Variants in COL5A2 observed in about 807,000 individuals in gnomAD.
COL5A2 encodes the protein collagen type V alpha 2 chain.
Under a neutral mutation model 208.2 loss-of-function variants are expected in COL5A2, and 23 were observed. The ratio of observed to expected loss-of-function variants is 0.11; its 90% confidence interval spans 0.08 to 0.16. The LOEUF is 0.16. COL5A2 is among the 10% of genes least tolerant of loss of function. COL5A2 has a pLI of 1.00. For synonymous variants in COL5A2, 625 were observed against 628.5 expected (o/e 0.99, Z 0.08); for missense variants, 1,590 against 1,956.4 (o/e 0.81, Z 3.53).
the COL5A2 span, among the ~76,000 whole-genome samples, chr2:189,357,369 G>A: frequency 6.6e-6 from 1 of 152,202 alleles, no homozygotes; most frequent in Admixed American, 6.5e-5. Flanking sequence ...GTCTCAGGGA[G>A]ATGGGGGTTT....
In COL5A2 at chr2:189,039,462, T is replaced by G; in HGVS notation, c.3735A>C (p.Pro1245=). The part of the protein sequence containing the change: ...DIMGHYDESM[P]DPLPEFTEDQ... ...CTTCAGTAAACTCAGGAAGTGGATC[T>G]GGCATGCTTTCATCATAGTGCCCCA... Residue 1245 remains proline, a synonymous_variant, in exon 51 of 54, where the codon CCA becomes CCC. Coordinates refer to ENST00000374866, the MANE Select transcript of COL5A2 (RefSeq NM_000393.5). 6.2e-7 allele frequency: 1 copy of G among 1,614,164 alleles called. No individual in the cohort carries two copies. Among genetic ancestry groups the G allele is most frequent in the Non-Finnish European group, 8.5e-7 (1 of 1,180,034 alleles).
intron 1 of COL5A2, among the ~76,000 whole-genome samples, chr2:189,209,509 A>G (rs1419026568): frequency 2.0e-5 from 3 of 152,226 alleles, no homozygotes; most frequent in Non-Finnish European, 2.9e-5. Flanking sequence ...CAGAAATCTG[A>G]GACCCAGGAA....
At chr2:189,141,708 T>C (rs1307094178) in intron 1 of COL5A2, among the ~76,000 whole-genome samples, 2 of 152,220 alleles carry the variant, frequency 1.3e-5, no homozygotes, top group Non-Finnish European at 2.9e-5. Context: ...CGAAATGCAC[T>C]GTTAAATTTC....
Position 189,079,046 on chromosome 2 carries a change from A to C in COL5A2, c.1005+17T>G, listed in dbSNP as rs763073831. 1.2e-6 allele frequency: 2 copies of C among 1,605,854 alleles called. No homozygotes were observed. Among genetic ancestry groups the C allele is most frequent in the Non-Finnish European group, 8.5e-7 (1 of 1,172,870 alleles). On this transcript the variant is annotated intron_variant, in intron 15 of 53. Transcript: ENST00000374866. ...TATAACCTTAGAAATTTAAGAAACA[A>C]GAAAACGAGCACATACCAGAGGACC...
chr2:189,352,315 C>T, the COL5A2 span, among the ~76,000 whole-genome samples: 2 of 152,034 alleles, frequency 1.3e-5, no homozygotes, highest in Non-Finnish European at 2.9e-5. Context: ...GGGTATACAC[C>T]CAGTAATGAG....
the COL5A2 span, among the ~76,000 whole-genome samples, chr2:189,318,488 T>A: frequency 2.0e-5 from 3 of 152,200 alleles, no homozygotes; most frequent in Non-Finnish European, 4.4e-5. Context: ...AGGGGGCTAA[T>A]TCATTGCCAT....
At chr2:189,177,276 C>T (rs548321004) in intron 1 of COL5A2, among the ~76,000 whole-genome samples, 9 of 152,264 alleles carry the variant, frequency 5.9e-5, no homozygotes, top group African/African-American at 1.9e-4. Context: ...TAATTTAAAG[C>T]ATCGATCTAA....
At chr2:189,141,058 T>C (rs1223021835) in intron 1 of COL5A2, among the ~76,000 whole-genome samples, 1 of 152,148 alleles carries the variant, frequency 6.6e-6, no homozygotes, top group Admixed American at 6.6e-5. Flanking sequence ...TAGCCAGATG[T>C]ATTCCTTTTA....
At chr2:189,282,541 T>A in the COL5A2 span, among the ~76,000 whole-genome samples, 1 of 152,132 alleles carries the variant, frequency 6.6e-6, no homozygotes, top group African/African-American at 2.4e-5. Flanking sequence ...ACTGAAATAA[T>A]AAAACTGATC....
At chr2:189,268,111 T>A in the COL5A2 span, among the ~76,000 whole-genome samples, 1 of 152,136 alleles carries the variant, frequency 6.6e-6, no homozygotes, top group South Asian at 2.1e-4. Flanking sequence ...GAGTTCTGGT[T>A]TTATTTGTTC....
intron 1 of COL5A2, among the ~76,000 whole-genome samples, chr2:189,156,616 A>C (rs143987177): frequency 6.6e-6 from 1 of 152,248 alleles, no homozygotes; most frequent in East Asian, 1.9e-4. Flanking sequence ...AGGCTTTTAT[A>C]AGCAGAATAT....
the COL5A2 span, among the ~76,000 whole-genome samples, chr2:189,286,900 A>C: frequency 6.6e-6 from 1 of 152,186 alleles, no homozygotes; most frequent in Admixed American, 6.5e-5. Context: ...ATTTTTACCT[A>C]TTATTCTTTC....
chr2:189,441,106 G>A, the COL5A2 span, among the ~76,000 whole-genome samples: 1 of 152,126 alleles, frequency 6.6e-6, no homozygotes, highest in African/African-American at 2.4e-5. Flanking sequence ...CGACACCACA[G>A]ACACTAGAAA....
intron 1 of COL5A2, among the ~76,000 whole-genome samples, chr2:189,156,515 C>A (rs776048013): frequency 1.5e-4 from 23 of 152,116 alleles, no homozygotes; most frequent in Non-Finnish European, 2.8e-4. Flanking sequence ...GCTCAGTTTA[C>A]TGCTGTATGT....
intron 1 of COL5A2, among the ~76,000 whole-genome samples, chr2:189,148,358 G>T (rs577246948): frequency 6.6e-6 from 1 of 152,046 alleles, no homozygotes; most frequent in Non-Finnish European, 1.5e-5. Context: ...ACACATGTAA[G>T]AAAAGACACA....
At chr2:189,222,858 G>A (rs1433129103) in intron 1 of COL5A2, among the ~76,000 whole-genome samples, 1 of 152,100 alleles carries the variant, frequency 6.6e-6, no homozygotes, top group Non-Finnish European at 1.5e-5. Context: ...ACCAAGCAAT[G>A]AAAAATAGAT....
At chr2:189,053,347 C>T (rs575022803) in intron 38 of COL5A2, 77 bp downstream of exon 38, 1 of 1,305,380 alleles carries the variant, frequency 7.7e-7, no homozygotes, top group East Asian at 2.4e-5. Flanking sequence ...GACTTCAAAA[C>T]ATATGACAAT....
intron 1 of COL5A2, among the ~76,000 whole-genome samples, chr2:189,138,218 C>G (rs1687862959): frequency 6.6e-6 from 1 of 152,146 alleles, no homozygotes; most frequent in Non-Finnish European, 1.5e-5. Context: ...TTGTGATCCA[C>G]CCTCCTCGGC....
the COL5A2 span, among the ~76,000 whole-genome samples, chr2:189,399,578 T>C: frequency 6.6e-6 from 1 of 152,168 alleles, no homozygotes; most frequent in Non-Finnish European, 1.5e-5. Flanking sequence ...ATATATTTTT[T>C]AGAATAGAAT....
Sources: gnomAD v4.1 joint callset for allele counts (sites outside exome capture counted in the v4.1 genomes callset) on GRCh38, gnomAD v4.1.1 for gene constraint, MANE v1.5 for transcripts, NCBI Gene and HGNC (gene_info 2026-07-23, HGNC 2026-07-21) for gene names.